SMPX: variants seen among roughly 807,000 people sequenced by gnomAD.
SMPX encodes the protein small muscular protein.
In SMPX, 2 loss-of-function variants were observed where a neutral mutation model predicts 6.3. That is an observed-to-expected ratio of 0.32 (90% CI 0.13 to 0.99). The LOEUF is 0.99. SMPX is among the 50% of genes least tolerant of loss of function. SMPX has a pLI of 0.49. For missense variants in SMPX, 60 were observed against 66.8 expected (o/e 0.90, Z 0.36); for synonymous variants, 32 against 24.7 (o/e 1.30, Z -0.88).
intron 4 of SMPX, among the ~76,000 whole-genome samples, chrX:21,706,662 A>G (rs2092773279): frequency 9.0e-6 from 1 of 111,248 alleles, no homozygotes; most frequent in Non-Finnish European, 1.9e-5. Flanking sequence ...TAGATCCGAT[A>G]TGGTTTGGCT....
intron 4 of SMPX, among the ~76,000 whole-genome samples, chrX:21,724,892 C>T (rs762869535): frequency 1.8e-5 from 2 of 111,990 alleles, no homozygotes; most frequent in East Asian, 2.8e-4. Flanking sequence ...GGAAGGATTT[C>T]GGAATTCTTA....
At chrX:21,712,873 C>A (rs1768164579) in intron 4 of SMPX, among the ~76,000 whole-genome samples, 1 of 112,332 alleles carries the variant, frequency 8.9e-6, no homozygotes, top group Non-Finnish European at 1.9e-5. Flanking sequence ...TCAGAAGTAC[C>A]AAGAATCCTC....
Position 21,706,223 on chromosome X carries a change from G to T in SMPX, c.*186C>A, listed in dbSNP as rs191715076. On this transcript the variant is annotated 3_prime_UTR_variant, in exon 5 of 5. Coordinates refer to ENST00000379494, the MANE Select transcript of SMPX (RefSeq NM_014332.3). Reference sequence around the variant, plus strand: ...ATTTGTTCTGTGAGGTGCCAAAAATGAAGATAAAGTAAGAAATACAGCCAA... The same window carrying T: ...ATTTGTTCTGTGAGGTGCCAAAAATTAAGATAAAGTAAGAAATACAGCCAA... 6.1e-4 allele frequency: 311 copies of T among 506,597 alleles called. 2 individuals carry two copies. Among genetic ancestry groups the T allele is most frequent in the African/African-American group, 5.5e-3 (238 of 43,165 alleles). 41.7% of individuals were successfully genotyped at this position (506,597 alleles called of 1,213,427 possible).
intron 4 of SMPX, among the ~76,000 whole-genome samples, chrX:21,736,976 T>C (rs1036794179): frequency 1.8e-5 from 2 of 111,466 alleles, no homozygotes; most frequent in African/African-American, 6.5e-5. Flanking sequence ...CTGCTTGCAG[T>C]GCCTTGTAAG....
chrX:21,726,190 A>G (rs2092796699), intron 4 of SMPX, among the ~76,000 whole-genome samples: 2 of 112,169 alleles, frequency 1.8e-5, no homozygotes, highest in South Asian at 7.5e-4. Context: ...TCTTTCCAGC[A>G]CATCAAGTGT....
At chrX:21,731,700 A>ATGTGTATG (rs1191586247) in intron 4 of SMPX, among the ~76,000 whole-genome samples, 14 of 26,326 alleles carry the variant, frequency 5.3e-4, no homozygotes, top group Non-Finnish European at 8.5e-4. Context: ...GTACACATAA[A>ATGTGTATG]TGTGTATATG....
Position 21,735,115 on chromosome X carries a change from G to A in SMPX, c.*14+2434C>T, listed in dbSNP as rs1315560474. ...AAAAAAAATCAATCCAACCAGTGAA[G>A]GGTTAAGTGATGGCTGGTCCAGGGT... On this transcript the variant is annotated intron_variant, in intron 4 of 4. Transcript: ENST00000379494. 3.6e-5 allele frequency among the ~76,000 whole-genome samples: 4 copies of A among 111,659 alleles called. No homozygotes were observed. In the Admixed American group the frequency reaches 3.8e-4, roughly 11 times the overall value.
At chrX:21,740,488 A>G (rs978743727) in intron 3 of SMPX, among the ~76,000 whole-genome samples, 1 of 112,268 alleles carries the variant, frequency 8.9e-6, no homozygotes, top group Non-Finnish European at 1.9e-5. Context: ...ACAGTGAAAC[A>G]TATTCAAGTG....
At chrX:21,734,966 G>C (rs1400335868) in intron 4 of SMPX, among the ~76,000 whole-genome samples, 1 of 111,443 alleles carries the variant, frequency 9.0e-6, no homozygotes, top group Non-Finnish European at 1.9e-5. Context: ...TGCGCCTTGT[G>C]GTTTTCACTG....
chrX:21,725,506 C>T (rs188604339), intron 4 of SMPX, among the ~76,000 whole-genome samples: 6 of 112,398 alleles, frequency 5.3e-5, no homozygotes, highest in African/African-American at 9.7e-5. Flanking sequence ...AAATTACAAA[C>T]GAGATGCATT....
At chrX:21,741,642 G>C (rs1169771193) in intron 3 of SMPX, among the ~76,000 whole-genome samples, 1 of 111,235 alleles carries the variant, frequency 9.0e-6, no homozygotes, top group Admixed American at 9.6e-5. Flanking sequence ...CACAAATCCT[G>C]AGAGTTTATT....
At chrX:21,729,591 C>T (rs2092801127) in intron 4 of SMPX, among the ~76,000 whole-genome samples, 1 of 111,428 alleles carries the variant, frequency 9.0e-6, no homozygotes, top group South Asian at 3.8e-4. Context: ...AGAACAGGTG[C>T]CAGGTGTAAC....
intron 4 of SMPX, among the ~76,000 whole-genome samples, chrX:21,734,173 A>C (rs1422110999): frequency 8.9e-6 from 1 of 112,078 alleles, no homozygotes; most frequent in East Asian, 2.8e-4. Context: ...ATATCTATAC[A>C]TTTTACTACA....
intron 4 of SMPX, among the ~76,000 whole-genome samples, chrX:21,709,668 G>C (rs1049198826): frequency 8.9e-6 from 1 of 111,877 alleles, no homozygotes; most frequent in Non-Finnish European, 1.9e-5. Flanking sequence ...TTGGGTTGAT[G>C]TGCTATGTCT....
chrX:21,725,782 T>A (rs1283500784), intron 4 of SMPX, among the ~76,000 whole-genome samples: 1 of 112,279 alleles, frequency 8.9e-6, no homozygotes, highest in East Asian at 2.8e-4. Flanking sequence ...TGTTTGCAAG[T>A]GCTTCAATGA....
rs1569306591 is a variant in SMPX at position 21,731,555 on chromosome X, A to AATGTGTGTACGTGTACACG, written c.*14+5993_*14+5994insCGTGTACACGTACACACAT. Among the ~76,000 whole-genome samples, 2 of 72,822 alleles carry AATGTGTGTACGTGTACACG rather than the reference A, an allele frequency of 2.7e-5. 1 individual carries two copies. Among genetic ancestry groups the AATGTGTGTACGTGTACACG allele is most frequent in the Non-Finnish European group, 5.6e-5 (2 of 35,762 alleles). The allele number at this position is 72,822 out of a possible 115,157, so 63.2% of individuals were successfully genotyped here. A position where few individuals can be genotyped will look rare whatever the true frequency, so the allele number is the denominator to read the frequency against. ...ACACATTATGTGTGTATGTGTATATATACACATTATGTGTATATGTGTATA... is the reference window on the plus strand; with the variant it reads ...ACACATTATGTGTGTATGTGTATATAATGTGTGTACGTGTACACGTACACATTATGTGTATATGTGTATA... On this transcript the variant is annotated intron_variant, in intron 4 of 4. Transcript: ENST00000379494.
intron 4 of SMPX, among the ~76,000 whole-genome samples, chrX:21,715,325 C>T (rs939767954): frequency 3.6e-4 from 39 of 109,452 alleles, no homozygotes; most frequent in African/African-American, 1.3e-3. Context: ...CGCGCGCTCG[C>T]GCGCTGGTGG....
chrX:21,740,282 A>G lies in SMPX; in HGVS notation c.133-2585T>C, dbSNP rs189592432. 2.2e-4 allele frequency among the ~76,000 whole-genome samples: 25 copies of G among 112,191 alleles called. No homozygotes were observed. In the East Asian group the frequency reaches 7.0e-3, roughly 31 times the overall value. ...GGGTTCCAGATGGCCCCATTTGGCT[A>G]ATAAATATGTCCTTTTTTAATTTTG... is the stretch of plus-strand genomic sequence containing the variant. On this transcript the variant is annotated intron_variant, in intron 3 of 4. Coordinates refer to ENST00000379494, the MANE Select transcript of SMPX (RefSeq NM_014332.3).
intron 3 of SMPX, among the ~76,000 whole-genome samples, chrX:21,743,291 C>G (rs770598244): frequency 1.9e-4 from 21 of 111,751 alleles, no homozygotes; most frequent in African/African-American, 5.9e-4. Context: ...TTATCAGAAG[C>G]TGTACTAAGT....
Sources: allele counts gnomAD v4.1 joint callset (sites outside exome capture counted in the v4.1 genomes callset), GRCh38; gene constraint gnomAD v4.1.1; transcripts MANE v1.5; gene names NCBI Gene and HGNC (gene_info 2026-07-23, HGNC 2026-07-21).